The following TRAPPC10 variants were observed in gnomAD, a reference collection of about 807,000 sequenced individuals.
TRAPPC10 encodes the protein trafficking protein particle complex subunit 10.
TRAPPC10 carries 23 observed loss-of-function variants against 125.5 expected under a neutral mutation model. That is an observed-to-expected ratio of 0.18 (90% CI 0.13 to 0.26). The LOEUF is 0.26. TRAPPC10 is among the 10% of genes least tolerant of loss of function. The probability of loss-of-function intolerance (pLI) is 1.00; values close to 1 mark genes in which losing one functional copy is unlikely to be tolerated. For synonymous variants in TRAPPC10, 509 were observed against 518.0 expected (o/e 0.98, Z 0.24); for missense variants, 1,123 against 1,308.4 (o/e 0.86, Z 2.19).
At chr21:44,036,241 A>AC (rs2033971260) in intron 2 of TRAPPC10, among the ~76,000 whole-genome samples, 2 of 152,258 alleles carry the variant, frequency 1.3e-5, no homozygotes, top group Admixed American at 1.3e-4. Context: ...ACAGTTTCTA[A>AC]CAGAACCATT....
intron 6 of TRAPPC10, chr21:44,062,735 A>G (rs1569183201): frequency 6.1e-6 from 6 of 985,278 alleles, no homozygotes; most frequent in Non-Finnish European, 7.2e-6. Context: ...TGGCAGGTCC[A>G]CACCACACCA....
intron 1 of TRAPPC10, among the ~76,000 whole-genome samples, chr21:44,014,781 G>A (rs969666097): frequency 1.3e-5 from 2 of 152,000 alleles, no homozygotes; most frequent in Admixed American, 1.3e-4. Flanking sequence ...TGTCCTAGAA[G>A]GTGCAAACTT....
At chr21:44,028,948 C>T (rs2033324071) in intron 1 of TRAPPC10, among the ~76,000 whole-genome samples, 1 of 152,216 alleles carries the variant, frequency 6.6e-6, no homozygotes, top group Non-Finnish European at 1.5e-5. Context: ...GTTCAGCCCG[C>T]AGAGCTCTAG....
At position 44,079,573 on chromosome 21, in the gene TRAPPC10, G is replaced by A. The variant is rs369880762; in HGVS notation, c.1479G>A (p.Lys493=). The change falls in exon 12 of 23, where the codon AAG becomes AAA. Residue 493 remains lysine (K), a synonymous_variant. Coordinates refer to ENST00000291574, the MANE Select transcript of TRAPPC10 (RefSeq NM_003274.5). The part of the protein sequence containing the change: ...KDLAEFYMRK[K]APQKAEIYLQ... ...TTGTTGACTTTGCAAGGAGGAAAAA[G>A]GCTCCACAAAAGGCAGAAATCTATC... 3.1e-5 allele frequency: 50 copies of A among 1,594,224 alleles called. No individual in the cohort carries two copies. The highest frequency in any genetic ancestry group is 1.8e-4 in the South Asian group (16 of 87,116).
chr21:44,029,175 A>G (rs980488956), intron 1 of TRAPPC10, among the ~76,000 whole-genome samples: 2 of 152,122 alleles, frequency 1.3e-5, no homozygotes, highest in Non-Finnish European at 2.9e-5. Context: ...GCTCACTGCA[A>G]GCTCCGCCTC....
intron 7 of TRAPPC10, among the ~76,000 whole-genome samples, chr21:44,072,930 G>A (rs1286689194): frequency 1.3e-5 from 2 of 152,184 alleles, no homozygotes; most frequent in South Asian, 2.1e-4. Context: ...CGGTCAGCCC[G>A]CTCCAGGCCT....
At chr21:44,014,648 C>T (rs1484910029) in intron 1 of TRAPPC10, among the ~76,000 whole-genome samples, 3 of 148,630 alleles carry the variant, frequency 2.0e-5, no homozygotes, top group South Asian at 2.1e-4. Context: ...AGGCTGGTCT[C>T]GAACTCCTGA....
chr21:44,060,275 C>CCTT (rs2035935553), intron 6 of TRAPPC10: 1 of 126,776 alleles, frequency 7.9e-6, no homozygotes, highest in Non-Finnish European at 1.6e-5. Flanking sequence ...TTTTATGTGT[C>CCTT]TTTTTTTTTT....
At chr21:44,014,799 T>A (rs548297966) in intron 1 of TRAPPC10, among the ~76,000 whole-genome samples, 1 of 152,272 alleles carries the variant, frequency 6.6e-6, no homozygotes, top group South Asian at 2.1e-4. Flanking sequence ...CTTTCATTCA[T>A]TGGAGTCTCA....
At chr21:44,044,830 A>T (rs2034667189) in intron 3 of TRAPPC10, among the ~76,000 whole-genome samples, 1 of 151,340 alleles carries the variant, frequency 6.6e-6, no homozygotes, top group Non-Finnish European at 1.5e-5. Flanking sequence ...CGCCTGGCTA[A>T]TTTTTTATAT....
At chr21:44,037,986 G>T (rs902964158) in intron 3 of TRAPPC10, 59 bp downstream of exon 3, 1 of 1,580,448 alleles carries the variant, frequency 6.3e-7, no homozygotes, top group Non-Finnish European at 8.6e-7. Flanking sequence ...TGCGTGGAGA[G>T]TGCTGTGTGA....
intron 1 of TRAPPC10, among the ~76,000 whole-genome samples, chr21:44,028,668 T>C (rs2033291214): frequency 6.6e-6 from 1 of 152,220 alleles, no homozygotes. Context: ...ATTATTTTGA[T>C]AGATCTCCTC....
At chr21:44,018,423 G>C (rs1745774232) in intron 1 of TRAPPC10, among the ~76,000 whole-genome samples, 1 of 151,952 alleles carries the variant, frequency 6.6e-6, no homozygotes, top group Non-Finnish European at 1.5e-5. Flanking sequence ...AATAAAGGCT[G>C]GGCGCAGTGA....
Position 44,032,073 on chromosome 21 carries a change from T to C in TRAPPC10, c.68-18T>C. On this transcript the variant is annotated intron_variant, in intron 1 of 22. Transcript: ENST00000291574. Reference sequence around the variant, plus strand: ...CACCTAAAAATATGGTAACTGAATTTCTTTCTTCCCTTCATAGGTGCTGGA... The same window carrying C: ...CACCTAAAAATATGGTAACTGAATTCCTTTCTTCCCTTCATAGGTGCTGGA... 4 of 1,601,318 alleles carry C rather than the reference T, an allele frequency of 2.5e-6. No homozygotes were observed. The highest frequency in any genetic ancestry group is 3.4e-6 in the Non-Finnish European group (4 of 1,172,772).
chr21:44,019,918 G>A (rs2032308045), intron 1 of TRAPPC10, among the ~76,000 whole-genome samples: 1 of 152,160 alleles, frequency 6.6e-6, no homozygotes, highest in Non-Finnish European at 1.5e-5. Flanking sequence ...GGGCTTCTGG[G>A]TTCTAGATGT....
At chr21:44,091,366 A>G (rs1416132630) in intron 18 of TRAPPC10, among the ~76,000 whole-genome samples, 1 of 152,234 alleles carries the variant, frequency 6.6e-6, no homozygotes, top group Non-Finnish European at 1.5e-5. Flanking sequence ...TCACTTAATA[A>G]GGCTGGTCAG....
intron 7 of TRAPPC10, among the ~76,000 whole-genome samples, chr21:44,072,383 T>C (rs907908756): frequency 7.9e-5 from 12 of 152,244 alleles, no homozygotes; most frequent in South Asian, 2.1e-4. Context: ...GGGCTTTATC[T>C]CCCTTCTCTG....
rs746462517 is a variant in TRAPPC10, at chr21:44,086,802, A to C, written c.2381A>C (p.Asp794Ala). Residue 794 changes from aspartate (D) to alanine (A), a missense_variant and splice_region_variant, in exon 16 of 23, where the codon GAT (aspartate) becomes GCT (alanine). By Grantham distance (126) the Asp-to-Ala change is moderately radical. Around this residue, in one of 4 missense-constraint regions of TRAPPC10, gnomAD observed 840 missense variants for 902.0 expected, o/e 0.93. Transcript: ENST00000291574. ...EPQLHVEPLA[D>A]SLLAGIPQRV... is the part of the protein sequence containing the mutation. ...TGAGCCACGATCTCTTTTCCTTTAG[A>C]TAGCCTTCTGGCAGGCATTCCTCAG... 1 of 1,614,100 alleles carries C rather than the reference A, an allele frequency of 6.2e-7. No individual in the cohort carries two copies. Among genetic ancestry groups the C allele is most frequent in the Non-Finnish European group, 8.5e-7 (1 of 1,179,988 alleles).
intron 7 of TRAPPC10, among the ~76,000 whole-genome samples, chr21:44,071,094 A>T (rs2036833389): frequency 6.6e-6 from 1 of 152,218 alleles, no homozygotes; most frequent in Non-Finnish European, 1.5e-5. Flanking sequence ...AATCTTAAAG[A>T]TACTGTGTGG....
Sources: allele counts gnomAD v4.1 joint callset (sites outside exome capture counted in the v4.1 genomes callset), GRCh38; gene constraint gnomAD v4.1.1; regional missense constraint gnomAD v4.1.1; transcripts MANE v1.5; gene names NCBI Gene and HGNC (gene_info 2026-07-23, HGNC 2026-07-21).